The following ZFAND3 variants were observed in gnomAD, a reference collection of about 807,000 sequenced individuals.
The protein encoded by ZFAND3 is AN1-type zinc finger protein 3.
A neutral mutation model predicts 29.6 loss-of-function variants in ZFAND3; 10 were observed. That is an observed-to-expected ratio of 0.34 (90% CI 0.21 to 0.57). ZFAND3 has a LOEUF of 0.57. ZFAND3 is among the 20% of genes least tolerant of loss of function. The pLI, the probability that ZFAND3 is intolerant of heterozygous loss-of-function variation, is 0.86. For missense variants in ZFAND3, 230 were observed against 304.5 expected (o/e 0.76, Z 1.82); for synonymous variants, 128 against 112.6 (o/e 1.14, Z -0.87).
At chr6:37,851,614 A>T (rs966808935) in intron 1 of ZFAND3, among the ~76,000 whole-genome samples, 1 of 152,232 alleles carries the variant, frequency 6.6e-6, no homozygotes, top group Non-Finnish European at 1.5e-5. Flanking sequence ...TTGCACAGTT[A>T]TGAATGGATT....
At chr6:38,004,843 A>C (rs149825382) in intron 2 of ZFAND3, among the ~76,000 whole-genome samples, 172 of 152,320 alleles carry the variant, frequency 1.1e-3, no homozygotes, top group African/African-American at 4.1e-3. Context: ...ACAGATCATC[A>C]TCATGTGGCA....
intron 2 of ZFAND3, among the ~76,000 whole-genome samples, chr6:37,955,149 T>TGTGTG (rs1762064572): frequency 7.4e-5 from 11 of 148,844 alleles, no homozygotes; most frequent in Non-Finnish European, 1.2e-4. Flanking sequence ...CAACCAATTT[T>TGTGTG]TGTGTGTGTG....
intron 1 of ZFAND3, among the ~76,000 whole-genome samples, chr6:37,900,284 C>G (rs886560186): frequency 1.3e-5 from 2 of 152,054 alleles, no homozygotes; most frequent in Non-Finnish European, 2.9e-5. Context: ...ATACTGTGTT[C>G]TGAGAACATT....
chr6:38,115,402 G>GA, intron 4 of ZFAND3, among the ~76,000 whole-genome samples: 1 of 152,292 alleles, frequency 6.6e-6, no homozygotes, highest in South Asian at 2.1e-4. Context: ...CTGACAAGGG[G>GA]AGCTATTAGA....
chr6:37,856,890 A>C (rs1394979001), intron 1 of ZFAND3, among the ~76,000 whole-genome samples: 1 of 152,116 alleles, frequency 6.6e-6, no homozygotes, highest in Non-Finnish European at 1.5e-5. Flanking sequence ...AAAAGCTGAC[A>C]ACCCACATAA....
chr6:38,059,067 A>G (rs1005874672), intron 2 of ZFAND3, among the ~76,000 whole-genome samples: 82 of 152,200 alleles, frequency 5.4e-4, no homozygotes, highest in Admixed American at 2.6e-3. Flanking sequence ...TATAATCTGT[A>G]CTTCATAGAG....
intron 3 of ZFAND3, among the ~76,000 whole-genome samples, chr6:38,069,257 T>A (rs1294433048): frequency 6.6e-6 from 1 of 152,226 alleles, no homozygotes; most frequent in Non-Finnish European, 1.5e-5. Context: ...TAGAAAATAT[T>A]GCCTATTAAA....
At chr6:37,987,869 A>G (rs867513692) in intron 2 of ZFAND3, among the ~76,000 whole-genome samples, 3 of 152,202 alleles carry the variant, frequency 2.0e-5, no homozygotes, top group Admixed American at 2.0e-4. Context: ...TTGCATTATT[A>G]CTGTTGGACA....
chr6:37,888,383 A>G (rs552764146), intron 1 of ZFAND3, among the ~76,000 whole-genome samples: 1 of 152,166 alleles, frequency 6.6e-6, no homozygotes, highest in African/African-American at 2.4e-5. Context: ...TCTAAAGAGA[A>G]TTAACATCTG....
At chr6:37,919,321 T>C (rs1761329330) in intron 1 of ZFAND3, among the ~76,000 whole-genome samples, 1 of 152,220 alleles carries the variant, frequency 6.6e-6, no homozygotes, top group Admixed American at 6.5e-5. Context: ...GGTCATGGAT[T>C]ATATAAAATT....
intron 2 of ZFAND3, among the ~76,000 whole-genome samples, chr6:37,934,032 C>T (rs973860480): frequency 6.6e-6 from 1 of 150,744 alleles, no homozygotes; most frequent in Non-Finnish European, 1.5e-5. Context: ...GGATTACAGG[C>T]GTGCGCCACC....
Position 38,114,677 on chromosome 6 carries a change from A to G in ZFAND3, c.362-1895A>G, listed in dbSNP as rs114796875. 9.5e-3 allele frequency among the ~76,000 whole-genome samples: 1,440 copies of G among 152,104 alleles called. 27 individuals carry two copies. Among genetic ancestry groups the G allele is most frequent in the African/African-American group, 0.032 (1,346 of 41,494 alleles). ...CATCACCATCGGGGTCCACTGGACA[A>G]TCTTGGGTGAAGTGCAGCATCTTCC... On this transcript the variant is annotated intron_variant, in intron 4 of 5. Coordinates refer to ENST00000287218, the MANE Select transcript of ZFAND3 (RefSeq NM_021943.3).
intron 2 of ZFAND3, among the ~76,000 whole-genome samples, chr6:37,998,932 C>T (rs931950849): frequency 2.0e-5 from 3 of 152,132 alleles, no homozygotes; most frequent in African/African-American, 7.2e-5. Flanking sequence ...TATTTCCTTG[C>T]TCTGTCTGCT....
intron 4 of ZFAND3, among the ~76,000 whole-genome samples, chr6:38,089,826 G>T (rs1196752153): frequency 6.6e-6 from 1 of 152,140 alleles, no homozygotes; most frequent in African/African-American, 2.4e-5. Flanking sequence ...CTTCCAAGGA[G>T]GACTTCACAT....
chr6:37,888,709 TAAG>T (rs1765043019), intron 1 of ZFAND3, among the ~76,000 whole-genome samples: 1 of 152,252 alleles, frequency 6.6e-6, no homozygotes, highest in Non-Finnish European at 1.5e-5. Context: ...GGTGAGGATA[TAAG>T]AAGACTTGTA....
Position 37,913,708 on chromosome 6 carries a change from C to CTTTTTTTTT in ZFAND3, c.72-16240_72-16232dup, listed in dbSNP as rs56045448. ...CCCAGCTGTCTATGGCAGCTATATT[C>CTTTTTTTTT]TTTTTTTTTTTTTTTTTTTGAGACA... On this transcript the variant is annotated intron_variant, in intron 1 of 5. Transcript: ENST00000287218. 9.3e-4 allele frequency among the ~76,000 whole-genome samples: 105 copies of CTTTTTTTTT among 113,038 alleles called. 2 individuals are homozygous for CTTTTTTTTT. The highest frequency in any genetic ancestry group is 2.7e-3 in the African/African-American group (80 of 29,772). The allele number at this position is 113,038 out of a possible 152,430, so 74.2% of individuals were successfully genotyped here. A position where few individuals can be genotyped will look rare whatever the true frequency, so the allele number is the denominator to read the frequency against.
In ZFAND3 at chr6:37,823,325, C is replaced by G. The variant is rs16890177; in HGVS notation, c.71+3309C>G. Among the ~76,000 whole-genome samples, 2,589 of 152,288 alleles carry G rather than the reference C, an allele frequency of 0.017. 255 individuals are homozygous for G. The East Asian group carries it at 0.28, about 16-fold the overall frequency. On this transcript the variant is annotated intron_variant, in intron 1 of 5. Transcript: ENST00000287218. ...TTTAAAAATTTTATGCAGCTTTGCACTCCTTGGAAGCTCTAGGTCTAAAGT... is the reference window on the plus strand; with the variant it reads ...TTTAAAAATTTTATGCAGCTTTGCAGTCCTTGGAAGCTCTAGGTCTAAAGT...
chr6:37,969,243 T>G (rs528753791), intron 2 of ZFAND3, among the ~76,000 whole-genome samples: 1 of 152,228 alleles, frequency 6.6e-6, no homozygotes, highest in African/African-American at 2.4e-5. Flanking sequence ...CATGACTGTT[T>G]ATGCTATTTG....
At position 37,937,673 on chromosome 6, in the gene ZFAND3, AGG is replaced by A. The variant is rs1165443275; in HGVS notation, c.112+7675_112+7676del. Among the ~76,000 whole-genome samples the A allele has an allele frequency of 4.3e-4, 63 of 147,660 alleles. 3 individuals are homozygous for A. Among genetic ancestry groups the A allele is most frequent in the South Asian group, 6.4e-4 (3 of 4,698 alleles). ...CGTCTCAAAAAAAAAAAAAAAAAAA[AGG>A]CAAAAAAAGTAACTGCTGCTCTTAA... On this transcript the variant is annotated intron_variant, in intron 2 of 5. Transcript: ENST00000287218.
Sources: gnomAD v4.1 joint callset for allele counts (sites outside exome capture counted in the v4.1 genomes callset) on GRCh38, gnomAD v4.1.1 for gene constraint, MANE v1.5 for transcripts, NCBI Gene and HGNC (gene_info 2026-07-23, HGNC 2026-07-21) for gene names.